The following HBEGF variants were observed in gnomAD, a reference collection of about 807,000 sequenced individuals.
HBEGF encodes the protein proheparin-binding EGF-like growth factor.
Under a neutral mutation model 19.5 loss-of-function variants are expected in HBEGF, and 8 were observed. The ratio of observed to expected loss-of-function variants is 0.41; its 90% CI spans 0.24 to 0.74. The LOEUF (loss-of-function observed/expected upper bound fraction) is 0.74, where lower values mean the gene tolerates loss of function less well. Ranked by LOEUF, HBEGF falls within the 30% of genes least tolerant of loss-of-function variation. HBEGF has a pLI of 0.32. For synonymous variants in HBEGF, 97 were observed against 108.9 expected, an observed-to-expected ratio of 0.89 and a Z score of 0.68; for missense variants, 207 against 256.9, an observed-to-expected ratio of 0.81 and a Z score of 1.33.
At chr5:140,345,616 T>C (rs999912829) in intron 2 of HBEGF, among the ~76,000 whole-genome samples, 5 of 152,148 alleles carry the variant, frequency 3.3e-5, no homozygotes, top group African/African-American at 1.2e-4. Flanking sequence ...CCATTCCTTG[T>C]TCCTATCACC....
At chr5:140,343,894 T>C (rs1220655860) in intron 2 of HBEGF, among the ~76,000 whole-genome samples, 1 of 152,174 alleles carries the variant, frequency 6.6e-6, no homozygotes, top group Non-Finnish European at 1.5e-5. Flanking sequence ...CCCAACACTT[T>C]GGGAGGCTGA....
chr5:140,345,263 T>C (rs1025742964), intron 2 of HBEGF, among the ~76,000 whole-genome samples: 41 of 152,308 alleles, frequency 2.7e-4, no homozygotes, highest in Non-Finnish European at 4.7e-4. Flanking sequence ...TGGAGGATCC[T>C]ACACAGCCCT....
At chr5:140,339,240 C>G (rs1348577308) in intron 3 of HBEGF, among the ~76,000 whole-genome samples, 1 of 152,114 alleles carries the variant, frequency 6.6e-6, no homozygotes, top group Non-Finnish European at 1.5e-5. Flanking sequence ...GGCAGTGAGG[C>G]CAAGTAGAGC....
At chr5:140,340,104 T>G (rs1232813564) in intron 3 of HBEGF, among the ~76,000 whole-genome samples, 3 of 138,384 alleles carry the variant, frequency 2.2e-5, no homozygotes, top group Non-Finnish European at 4.7e-5. Flanking sequence ...CTGGCCAACA[T>G]GGTGAAACCC....
chr5:140,345,960 C>T lies in HBEGF; in HGVS notation c.171G>A (p.Arg57=). The T allele has an allele frequency of 6.2e-7, 1 of 1,614,182 alleles. No homozygotes were observed. Among genetic ancestry groups the T allele is most frequent in the African/African-American group, 1.3e-5 (1 of 75,050 alleles). The change falls in exon 2 of 6, where the codon CGG becomes CGA. Residue 57 remains arginine, a synonymous_variant. Coordinates refer to ENST00000230990, the MANE Select transcript of HBEGF (RefSeq NM_001945.3). ...CTTGCAAGTCACGGACTTTCCGGTC[C>T]CGGCCGCCTCCTAGGGGTAGCAGCT... is the stretch of plus-strand genomic sequence containing the variant. ...TDQLLPLGGG[R]DRKVRDLQEA...
At chr5:140,342,328 T>A (rs4150210) in intron 3 of HBEGF, among the ~76,000 whole-genome samples, 46,624 of 152,038 alleles carry the variant, frequency 0.31, 7,631 homozygotes, top group African/African-American at 0.4. Flanking sequence ...GAGTAGGGCA[T>A]CAGGCAAGAA....
intron 4 of HBEGF, chr5:140,335,013 A>T: frequency 1.9e-6 from 1 of 534,308 alleles, no homozygotes; most frequent in Non-Finnish European, 3.4e-6. Flanking sequence ...CAAACATTAC[A>T]ATCACTACAA....
chr5:140,339,101 C>T (rs1351280225), intron 3 of HBEGF, among the ~76,000 whole-genome samples: 1 of 152,164 alleles, frequency 6.6e-6, no homozygotes, highest in Non-Finnish European at 1.5e-5. Context: ...TTTATAAAGG[C>T]CAAGTCCCAC....
intron 3 of HBEGF, among the ~76,000 whole-genome samples, chr5:140,340,615 A>G (rs1766295990): frequency 6.6e-6 from 1 of 151,062 alleles, no homozygotes; most frequent in Non-Finnish European, 1.5e-5. Flanking sequence ...AGAAAGAAAG[A>G]AAGAAAAGAA....
chr5:140,343,571 A>G (rs1581114123), intron 2 of HBEGF, among the ~76,000 whole-genome samples: 1 of 152,224 alleles, frequency 6.6e-6, no homozygotes, highest in Admixed American at 6.5e-5. Flanking sequence ...AAGGGATAGA[A>G]AAATGGAAAG....
intron 3 of HBEGF, among the ~76,000 whole-genome samples, chr5:140,337,037 A>G (rs371392249): frequency 1.1e-3 from 167 of 151,484 alleles, no homozygotes; most frequent in African/African-American, 3.9e-3. Flanking sequence ...CACCATGTTA[A>G]CTAGGCTGGT....
chr5:140,339,831 G>A (rs754496980), intron 3 of HBEGF, among the ~76,000 whole-genome samples: 16 of 152,188 alleles, frequency 1.1e-4, no homozygotes, highest in Non-Finnish European at 2.1e-4. Flanking sequence ...CTGGCTAGTG[G>A]TTCCTGGGTC....
In HBEGF at chr5:140,342,586, G is replaced by C. The variant is rs190500813; in HGVS notation, c.398+49C>G. The C allele has an allele frequency of 8.4e-6, 13 of 1,549,084 alleles. No homozygotes were observed. The Admixed American group carries it at 1.4e-4, about 16-fold the overall frequency. ...AGTGACAACGAGGAACAGCCACGTG[G>C]CTGACAAAGTGTGCTGATGAGATTC... is the stretch of plus-strand genomic sequence containing the variant. On this transcript the variant is annotated intron_variant, in intron 3 of 5. Coordinates refer to ENST00000230990, the MANE Select transcript of HBEGF (RefSeq NM_001945.3).
chr5:140,343,845 A>G (rs1317188745), intron 2 of HBEGF, among the ~76,000 whole-genome samples: 1 of 152,218 alleles, frequency 6.6e-6, no homozygotes, highest in African/African-American at 2.4e-5. Context: ...GACTTCAAAG[A>G]ATACCATGTG....
chr5:140,342,471 G>T (rs757663583), intron 3 of HBEGF, among the ~76,000 whole-genome samples, 164 bp downstream of exon 3: 1 of 152,146 alleles, frequency 6.6e-6, no homozygotes, highest in Non-Finnish European at 1.5e-5. Context: ...GGGGGAGGGG[G>T]CTTCCGCTGA....
At chr5:140,341,437 C>A (rs1216015641) in intron 3 of HBEGF, among the ~76,000 whole-genome samples, 1 of 152,188 alleles carries the variant, frequency 6.6e-6, no homozygotes, top group Non-Finnish European at 1.5e-5. Flanking sequence ...AATATGGGGG[C>A]TTTCTATGCC....
chr5:140,342,867 G>A, intron 2 of HBEGF, 55 bp from the exon 3 acceptor site: 2 of 1,563,928 alleles, frequency 1.3e-6, no homozygotes, highest in Non-Finnish European at 1.8e-6. Context: ...AAAATCAGAA[G>A]AGCATAGTGC....
chr5:140,341,048 G>A (rs1225494620), intron 3 of HBEGF, among the ~76,000 whole-genome samples: 1 of 152,182 alleles, frequency 6.6e-6, no homozygotes, highest in African/African-American at 2.4e-5. Context: ...CCAAATAGGG[G>A]CTCAACATAC....
Position 140,345,813 on chromosome 5 carries a change from C to A in HBEGF, c.220+98G>T, listed in dbSNP as rs182700586. The A allele has an allele frequency of 1.1e-4, 156 of 1,451,136 alleles. No individual in the cohort carries two copies. The African/African-American group carries it at 1.9e-3, about 18-fold the overall frequency. 89.9% of individuals were successfully genotyped at this position (1,451,136 alleles called of 1,614,324 possible). A position where few individuals can be genotyped will look rare whatever the true frequency, so the allele number is the denominator to read the frequency against. ...TTTTCCCCGAGGTTCTCCATGAATA[C>A]CCTCAACCCACAGTATTGCCCAAAC... On this transcript the variant is annotated intron_variant, in intron 2 of 5. Transcript: ENST00000230990.
Sources: allele counts gnomAD v4.1 joint callset (sites outside exome capture counted in the v4.1 genomes callset), GRCh38; gene constraint gnomAD v4.1.1; transcripts MANE v1.5; gene names NCBI Gene and HGNC (gene_info 2026-07-23, HGNC 2026-07-21).